Variants in B3GLCT observed in about 807,000 individuals in gnomAD.
The protein encoded by B3GLCT is beta-1,3-glucosyltransferase.
Under a neutral mutation model 63.4 loss-of-function variants are expected in B3GLCT, and 65 were observed. The ratio of observed to expected loss-of-function variants is 1.03; its 90% CI spans 0.84 to 1.26. The LOEUF is 1.26. Among genes scored for constraint, B3GLCT ranks in the 50% most tolerant of loss-of-function variants. The probability of loss-of-function intolerance (pLI) is 0.00; values close to 1 mark genes in which losing one functional copy is unlikely to be tolerated. For missense variants in B3GLCT, 577 were observed against 604.8 expected, an observed-to-expected ratio of 0.95 and a Z score of 0.48; for synonymous variants, 233 against 219.2, an observed-to-expected ratio of 1.06 and a Z score of -0.55.
intron 12 of B3GLCT, among the ~76,000 whole-genome samples, chr13:31,294,399 G>T (rs554670612): frequency 1.3e-5 from 2 of 152,342 alleles, no homozygotes; most frequent in East Asian, 3.9e-4. Context: ...ATATCCTGAA[G>T]AGTGTTTTCC....
intron 8 of B3GLCT, among the ~76,000 whole-genome samples, chr13:31,270,027 C>G (rs999846631): frequency 1.3e-5 from 2 of 152,164 alleles, no homozygotes; most frequent in Admixed American, 6.6e-5. Flanking sequence ...AGAATTGAGC[C>G]TATTGGTCCC....
At chr13:31,202,932 G>A (rs1868757579) in intron 1 of B3GLCT, among the ~76,000 whole-genome samples, 1 of 152,218 alleles carries the variant, frequency 6.6e-6, no homozygotes, top group Non-Finnish European at 1.5e-5. Context: ...CCTGTTTGCA[G>A]ACTTGTATTG....
intron 12 of B3GLCT, among the ~76,000 whole-genome samples, chr13:31,296,624 A>G (rs1873956215): frequency 6.6e-6 from 1 of 152,212 alleles, no homozygotes; most frequent in Non-Finnish European, 1.5e-5. Context: ...TTCTCTTAGT[A>G]TAGATTATCA....
intron 2 of B3GLCT, among the ~76,000 whole-genome samples, chr13:31,218,930 C>CT (rs34965262): frequency 0.61 from 88,384 of 144,178 alleles, 28,033 homozygotes; most frequent in Middle Eastern, 0.75. Context: ...ATCAGAAGCC[C>CT]TTTTTTTTTT....
chr13:31,317,565 G>A lies in B3GLCT; in HGVS notation c.1065-1G>A, dbSNP rs371904655. On this transcript the variant is annotated splice_acceptor_variant, in intron 12 of 14. Transcript: ENST00000343307. LOFTEE classifies it high-confidence loss of function. The stretch of plus-strand genomic sequence containing the variant: ...GATTTGTGTTCCCTTTGGCATCTCA[G>A]TATCTCCAGGCTCCAGCACTTGCTT... The A allele has an allele frequency of 3.1e-6, 5 of 1,613,962 alleles. No individual in the cohort carries two copies. The highest frequency in any genetic ancestry group is 1.7e-4 in the Middle Eastern group (1 of 6,060).
intron 1 of B3GLCT, among the ~76,000 whole-genome samples, chr13:31,205,909 A>G (rs1868926075): frequency 6.6e-6 from 1 of 152,252 alleles, no homozygotes; most frequent in Non-Finnish European, 1.5e-5. Flanking sequence ...AGTTGAATGT[A>G]TCTTAAGTAT....
At chr13:31,236,117 A>G (rs1295222037) in intron 4 of B3GLCT, among the ~76,000 whole-genome samples, 3 of 152,174 alleles carry the variant, frequency 2.0e-5, no homozygotes, top group African/African-American at 7.2e-5. Flanking sequence ...TTCTGCCTTC[A>G]GGCTCCAGAG....
intron 2 of B3GLCT, among the ~76,000 whole-genome samples, chr13:31,217,275 AC>A (rs1457094574): frequency 6.6e-6 from 1 of 151,792 alleles, no homozygotes; most frequent in African/African-American, 2.4e-5. Context: ...CACGTCCTTT[AC>A]CCATTTTTTA....
At position 31,268,633 on chromosome 13, in the gene B3GLCT, C is replaced by T. The variant is rs140507089; in HGVS notation, c.597-581C>T. Among the ~76,000 whole-genome samples, 840 of 152,140 alleles carry T rather than the reference C, an allele frequency of 5.5e-3. 6 individuals are homozygous for T. Among genetic ancestry groups the T allele is most frequent in the African/African-American group, 0.018 (763 of 41,500 alleles). The stretch of plus-strand genomic sequence containing the variant: ...AGAGAACAATGGGGAGGTGTGTGCT[C>T]TGGGTGTAGCAAGTGGGTGCTGTGA... On this transcript the variant is annotated intron_variant, in intron 7 of 14. Transcript: ENST00000343307.
At chr13:31,218,984 G>A (rs1323130769) in intron 2 of B3GLCT, among the ~76,000 whole-genome samples, 3 of 148,848 alleles carry the variant, frequency 2.0e-5, no homozygotes, top group Non-Finnish European at 4.4e-5. Flanking sequence ...AAAAAGCCCT[G>A]GACAGATAGA....
In B3GLCT at chr13:31,210,847, G is replaced by T. The variant is rs1243719022; in HGVS notation, c.71-4204G>T. ...GCAGCCTGGAACTTTTGGATACAAGGAGTCCTCCCACCTCAGCCTCCCAAG... is the reference window on the plus strand; with the variant it reads ...GCAGCCTGGAACTTTTGGATACAAGTAGTCCTCCCACCTCAGCCTCCCAAG... On this transcript the variant is annotated intron_variant, in intron 1 of 14. Coordinates refer to ENST00000343307, the MANE Select transcript of B3GLCT (RefSeq NM_194318.4). 2.0e-5 allele frequency among the ~76,000 whole-genome samples: 3 copies of T among 152,014 alleles called. No individual in the cohort carries two copies. The East Asian group carries it at 5.8e-4, about 29-fold the overall frequency.
At chr13:31,246,973 T>TTTTTTTTTTTTTTTTTTTTTA in intron 4 of B3GLCT, 50 bp from the exon 5 acceptor site, 1 of 1,235,780 alleles carries the variant, frequency 8.1e-7, no homozygotes, top group Non-Finnish European at 1.2e-6. Flanking sequence ...TTTTACTTTT[T>TTTTTTTTTTTTTTTTTTTTTA]TTCGGAGTAG....
intron 12 of B3GLCT, among the ~76,000 whole-genome samples, chr13:31,316,948 T>C (rs764197357): frequency 6.6e-6 from 1 of 152,072 alleles, no homozygotes; most frequent in Non-Finnish European, 1.5e-5. Context: ...GGCCAAAAGG[T>C]ATTCAAAAGT....
intron 13 of B3GLCT, among the ~76,000 whole-genome samples, chr13:31,322,575 TAAAC>T (rs1875381917): frequency 6.6e-6 from 1 of 152,204 alleles, no homozygotes; most frequent in Admixed American, 6.5e-5. Context: ...AGCATGCTAA[TAAAC>T]AAGTGTTATT....
intron 4 of B3GLCT, among the ~76,000 whole-genome samples, chr13:31,243,709 A>G (rs1028236674): frequency 6.6e-6 from 1 of 152,222 alleles, no homozygotes; most frequent in Non-Finnish European, 1.5e-5. Flanking sequence ...AATAATTATT[A>G]GCTGCTTTAA....
rs771934206 is a variant in B3GLCT at position 31,329,525 on chromosome 13, G to A, written c.1354G>A (p.Asp452Asn). 6.2e-7 allele frequency: 1 copy of A among 1,614,142 alleles called. No homozygotes were observed. Among genetic ancestry groups the A allele is most frequent in the South Asian group, 1.1e-5 (1 of 91,086 alleles). Residue 452 changes from aspartate (D) to asparagine (N), a missense_variant, in exon 15 of 15, where the codon GAC becomes AAC. Transcript: ENST00000343307. ...GGCTCGGCCGGTGGATTACCCTAAG[G>A]ACTACCTTTCTCATCAAGTTCCCAT... ...HQARPVDYPK[D>N]YLSHQVPISF...
At position 31,209,227 on chromosome 13, in the gene B3GLCT, G is replaced by A. The variant is rs142911136; in HGVS notation, c.71-5824G>A. Among the ~76,000 whole-genome samples the A allele has an allele frequency of 1.7e-3, 257 of 152,356 alleles. 1 individual carries two copies. The highest frequency in any genetic ancestry group is 6.0e-3 in the African/African-American group (249 of 41,584). Reference sequence around the variant, plus strand: ...GGGACAGTGGATTTGTCCCAGTAGGGTGGAGAAAAGGCAGACTTTACCTCT... The same window carrying A: ...GGGACAGTGGATTTGTCCCAGTAGGATGGAGAAAAGGCAGACTTTACCTCT... On this transcript the variant is annotated intron_variant, in intron 1 of 14. Coordinates refer to ENST00000343307, the MANE Select transcript of B3GLCT (RefSeq NM_194318.4).
intron 3 of B3GLCT, among the ~76,000 whole-genome samples, chr13:31,227,891 G>A (rs928844309): frequency 2.6e-5 from 4 of 152,238 alleles, no homozygotes; most frequent in Admixed American, 2.0e-4. Context: ...TAGAATTTAC[G>A]TGGCACCTTC....
intron 6 of B3GLCT, among the ~76,000 whole-genome samples, chr13:31,257,147 T>C (rs1871784114): frequency 6.6e-6 from 1 of 152,160 alleles, no homozygotes; most frequent in Admixed American, 6.5e-5. Context: ...AATACTGCAA[T>C]TAAGAGATAA....
Sources: allele counts gnomAD v4.1 joint callset (sites outside exome capture counted in the v4.1 genomes callset), GRCh38; gene constraint gnomAD v4.1.1; transcripts MANE v1.5; gene names NCBI Gene and HGNC (gene_info 2026-07-23, HGNC 2026-07-21).